The following DDC variants were observed in gnomAD, a reference collection of about 807,000 sequenced individuals.
The protein encoded by DDC is dopa decarboxylase.
DDC carries 43 observed loss-of-function variants against 60.0 expected under a neutral mutation model. The ratio of observed to expected loss-of-function variants is 0.72; its 90% CI spans 0.56 to 0.92. The LOEUF (loss-of-function observed/expected upper bound fraction) is 0.92, where lower values mean the gene tolerates loss of function less well. DDC is among the 40% of genes least tolerant of loss of function. The pLI, the probability that DDC is intolerant of heterozygous loss-of-function variation, is 0.00. For missense variants in DDC, 573 were observed against 620.2 expected (o/e 0.92, Z 0.81); for synonymous variants, 232 against 234.6 (o/e 0.99, Z 0.10).
intron 9 of DDC, among the ~76,000 whole-genome samples, chr7:50,481,737 C>T (rs911989902): frequency 1.3e-5 from 2 of 152,182 alleles, no homozygotes; most frequent in Admixed American, 6.5e-5. Context: ...CATAGTTCTA[C>T]AAAATTTTCT....
intron 9 of DDC, chr7:50,493,060 G>A (rs954219871): frequency 1.4e-6 from 2 of 1,472,998 alleles, no homozygotes; most frequent in African/African-American, 2.8e-5. Context: ...GTCAATATTT[G>A]CCTCCAAGAT....
intron 4 of DDC, among the ~76,000 whole-genome samples, chr7:50,536,943 C>G (rs1218089414): frequency 6.6e-6 from 1 of 151,572 alleles, no homozygotes; most frequent in Non-Finnish European, 1.5e-5. Context: ...GTTAACAATG[C>G]TTTCCTAATG....
intron 11 of DDC, 58 bp downstream of exon 11, chr7:50,476,566 G>T: frequency 2.2e-6 from 3 of 1,393,836 alleles, no homozygotes; most frequent in Non-Finnish European, 2.9e-6. Context: ...TGACAGCTGT[G>T]GCGTAGCCCC....
intron 4 of DDC, among the ~76,000 whole-genome samples, chr7:50,532,646 C>T (rs745323613): frequency 6.6e-6 from 1 of 152,174 alleles, no homozygotes; most frequent in Non-Finnish European, 1.5e-5. Context: ...TAACACAAAG[C>T]ACAAGACATA....
In DDC at chr7:50,470,113, C is replaced by T; in HGVS notation, c.1100G>A (p.Arg367Lys). ...CTGCAGTCCTTTGACTCCATACATC[C>T]TAAATACAAACCACATTTTCAAAGA... ...FRSLKMWFVF[R>K]MYGVKGLQAY... The change falls in exon 12 of 15, where the codon AGG (arginine) becomes AAG (lysine). Residue 367 changes from arginine (R) to lysine (K), a missense_variant. Transcript: ENST00000444124. The T allele has an allele frequency of 6.2e-7, 1 of 1,613,860 alleles. No homozygotes were observed. The highest frequency in any genetic ancestry group is 8.5e-7 in the Non-Finnish European group (1 of 1,179,760).
At chr7:50,465,007 A>C (rs1157752001) in intron 13 of DDC, among the ~76,000 whole-genome samples, 1 of 152,232 alleles carries the variant, frequency 6.6e-6, no homozygotes, top group Admixed American at 6.5e-5. Context: ...TTGTCAGCTG[A>C]AAAATGCCTT....
At chr7:50,507,406 A>T (rs1442845142) in intron 6 of DDC, among the ~76,000 whole-genome samples, 1 of 151,954 alleles carries the variant, frequency 6.6e-6, no homozygotes, top group East Asian at 1.9e-4. Context: ...AATTTTTTGT[A>T]TTTTTAGTAG....
At chr7:50,503,324 A>G (rs3807558) in intron 7 of DDC, among the ~76,000 whole-genome samples, 116,816 of 152,134 alleles carry the variant, frequency 0.77, 45,080 homozygotes, top group Admixed American at 0.83. Flanking sequence ...CAGCTTCAAG[A>G]CCTGCTGAGT....
At chr7:50,520,689 G>A (rs911740927) in intron 6 of DDC, among the ~76,000 whole-genome samples, 24 of 152,120 alleles carry the variant, frequency 1.6e-4, no homozygotes, top group East Asian at 5.8e-4. Context: ...CGAGGCAGGC[G>A]GATCACCTGA....
chr7:50,463,562 C>G, intron 13 of DDC, 131 bp from the exon 14 acceptor site: 1 of 785,846 alleles, frequency 1.3e-6, no homozygotes, highest in Non-Finnish European at 2.2e-6. Context: ...ATCCCCCTTG[C>G]GTTTACGATG....
intron 1 of DDC, among the ~76,000 whole-genome samples, chr7:50,556,169 C>T (rs1221913957): frequency 6.6e-6 from 1 of 152,176 alleles, no homozygotes; most frequent in Non-Finnish European, 1.5e-5. Context: ...GCCAAGCCCC[C>T]TATCTTAGTC....
intron 8 of DDC, among the ~76,000 whole-genome samples, chr7:50,497,695 A>G (rs1284319752): frequency 6.6e-6 from 1 of 152,206 alleles, no homozygotes; most frequent in East Asian, 1.9e-4. Context: ...CTTCTCATAT[A>G]CTATACCCTC....
At chr7:50,534,925 T>C (rs1343058842) in intron 4 of DDC, among the ~76,000 whole-genome samples, 1 of 152,158 alleles carries the variant, frequency 6.6e-6, no homozygotes, top group Non-Finnish European at 1.5e-5. Context: ...CAGTGTGCAG[T>C]AGCTCCCTCC....
At chr7:50,529,096 T>A in intron 5 of DDC, 112 bp downstream of exon 5, 1 of 1,421,238 alleles carries the variant, frequency 7.0e-7, no homozygotes, top group Non-Finnish European at 9.9e-7. Flanking sequence ...TAGTGATACC[T>A]GAGGAACTGT....
At chr7:50,563,009 A>G (rs1375076220) in intron 1 of DDC, among the ~76,000 whole-genome samples, 1 of 152,096 alleles carries the variant, frequency 6.6e-6, no homozygotes, top group African/African-American at 2.4e-5. Context: ...TCTACTAAAA[A>G]TACAAAAATG....
At chr7:50,551,320 T>C (rs1156668779) in intron 1 of DDC, among the ~76,000 whole-genome samples, 1 of 150,190 alleles carries the variant, frequency 6.7e-6, no homozygotes, top group Non-Finnish European at 1.5e-5. Context: ...AACCTCTGCC[T>C]CCCAGGTTCA....
intron 11 of DDC, among the ~76,000 whole-genome samples, chr7:50,476,383 C>T (rs944092022): frequency 1.3e-5 from 2 of 152,192 alleles, no homozygotes; most frequent in Non-Finnish European, 2.9e-5. Flanking sequence ...CTTTCTCCTC[C>T]CCAGGAGCAA....
chr7:50,482,460 T>A (rs566291152), intron 9 of DDC, among the ~76,000 whole-genome samples: 1 of 152,204 alleles, frequency 6.6e-6, no homozygotes, highest in Non-Finnish European at 1.5e-5. Flanking sequence ...TGTTTCTGGC[T>A]CTCTCTTCTA....
intron 1 of DDC, among the ~76,000 whole-genome samples, chr7:50,549,551 G>A (rs2044913370): frequency 6.6e-6 from 1 of 152,018 alleles, no homozygotes; most frequent in South Asian, 2.1e-4. Flanking sequence ...CTACTCGGGA[G>A]GCTGAGGCAA....
Sources: allele counts gnomAD v4.1 joint callset (sites outside exome capture counted in the v4.1 genomes callset), GRCh38; gene constraint gnomAD v4.1.1; transcripts MANE v1.5; gene names NCBI Gene and HGNC (gene_info 2026-07-23, HGNC 2026-07-21).